The following DPM1 variants were observed in gnomAD, a reference collection of about 807,000 sequenced individuals.
DPM1 encodes the protein dolichyl-phosphate mannosyltransferase subunit 1, catalytic.
In DPM1, 27 loss-of-function variants were observed where a neutral mutation model predicts 39.0. The ratio of observed to expected loss-of-function variants is 0.69; its 90% CI spans 0.51 to 0.95. DPM1 has a LOEUF of 0.95. Ranked by LOEUF, DPM1 falls within the 40% of genes least tolerant of loss-of-function variation. The pLI is 0.00. For synonymous variants in DPM1, 124 were observed against 109.0 expected (o/e 1.14, Z -0.86); for missense variants, 307 against 315.6 (o/e 0.97, Z 0.21).
At chr20:50,949,438 C>T (rs1194077019) in intron 2 of DPM1, among the ~76,000 whole-genome samples, 1 of 152,160 alleles carries the variant, frequency 6.6e-6, no homozygotes, top group Non-Finnish European at 1.5e-5. Flanking sequence ...ACCTCATCTC[C>T]TCTACTGGTC....
chr20:50,948,011 G>C (rs940352308), intron 3 of DPM1, among the ~76,000 whole-genome samples: 4 of 152,194 alleles, frequency 2.6e-5, no homozygotes, highest in African/African-American at 9.7e-5. Context: ...TTTGCCCTCA[G>C]ACCCATTCTC....
At chr20:50,941,189 C>G in intron 6 of DPM1, 1 of 339,276 alleles carries the variant, frequency 2.9e-6, no homozygotes. Context: ...CCAGCCTGGG[C>G]AACATGGCAA....
intron 8 of DPM1, 46 bp from the exon 9 acceptor site, chr20:50,935,282 G>A: frequency 8.1e-7 from 1 of 1,234,066 alleles, no homozygotes; most frequent in Non-Finnish European, 1.2e-6. Context: ...AAAACAATTA[G>A]GCAGCTTAGC....
Position 50,935,107 on chromosome 20 carries a change from G to GT in DPM1, c.*24dup, listed in dbSNP as rs778016634. On this transcript the variant is annotated 3_prime_UTR_variant, in exon 9 of 9. Transcript: ENST00000371588. ...CTTTCATGTTTAACCTGAAATGAAC[G>GT]TAACTATAAATGAGTATCTTTCTTT... The GT allele has an allele frequency of 3.7e-5, 49 of 1,306,898 alleles. No homozygotes were observed. The East Asian group carries it at 9.7e-4, about 26-fold the overall frequency. 81.0% of individuals were successfully genotyped at this position (1,306,898 alleles called of 1,614,324 possible).
chr20:50,946,983 C>T (rs556691346), intron 3 of DPM1, among the ~76,000 whole-genome samples: 21 of 152,216 alleles, frequency 1.4e-4, no homozygotes, highest in Admixed American at 3.3e-4. Flanking sequence ...CCGAGGCAGG[C>T]GGATCATCTG....
At chr20:50,937,246 C>T (rs751837486) in intron 7 of DPM1, among the ~76,000 whole-genome samples, 9 of 152,032 alleles carry the variant, frequency 5.9e-5, no homozygotes, top group South Asian at 2.1e-4. Flanking sequence ...ACTTCTAAGG[C>T]GACCTTATCT....
chr20:50,940,863 A>G lies in DPM1; in HGVS notation c.563+2T>C. 2 of 1,612,822 alleles carry G rather than the reference A, an allele frequency of 1.2e-6. No individual in the cohort carries two copies. Among genetic ancestry groups the G allele is most frequent in the Non-Finnish European group, 1.7e-6 (2 of 1,178,850 alleles). On this transcript the variant is annotated splice_donor_variant, in intron 7 of 8. Transcript: ENST00000371588. LOFTEE classifies it high-confidence loss of function. ...TAAAAGTAGTGGAAATTTTCACTGT[A>G]CCTGAAACTTCCTGTTAAATCAGAT...
chr20:50,935,841 G>A (rs1398112991), intron 8 of DPM1, among the ~76,000 whole-genome samples: 2 of 152,138 alleles, frequency 1.3e-5, no homozygotes, highest in Non-Finnish European at 2.9e-5. Flanking sequence ...GCCATTGGCG[G>A]TGACAAAAGG....
chr20:50,955,361 C>A, intron 1 of DPM1, 76 bp from the exon 2 acceptor site: 2 of 1,028,800 alleles, frequency 1.9e-6, no homozygotes, highest in South Asian at 2.7e-5. Flanking sequence ...ATTACTAATT[C>A]CTTAAAAGTA....
At chr20:50,945,293 TGTG>T (rs1986205130) in intron 5 of DPM1, among the ~76,000 whole-genome samples, 1 of 62,286 alleles carries the variant, frequency 1.6e-5, no homozygotes, top group African/African-American at 1.2e-4. Flanking sequence ...GTTGTGTGTG[TGTG>T]TGTGTGTGTG....
At chr20:50,955,135 T>C (rs757721301) in intron 2 of DPM1, 51 bp downstream of exon 2, 2 of 1,310,586 alleles carry the variant, frequency 1.5e-6, no homozygotes, top group South Asian at 1.2e-5. Context: ...GTCTCATCTT[T>C]CCCCTACATA....
At chr20:50,948,777 G>A in intron 2 of DPM1, 115 bp from the exon 3 acceptor site, 15 of 932,730 alleles carry the variant, frequency 1.6e-5, no homozygotes, top group Non-Finnish European at 1.7e-5. Context: ...GCACTTGTTA[G>A]AACTTAAAGC....
chr20:50,957,019 CA>C (rs887559116), intron 1 of DPM1, among the ~76,000 whole-genome samples: 69 of 143,448 alleles, frequency 4.8e-4, no homozygotes, highest in Middle Eastern at 3.5e-3. Flanking sequence ...ATTAAAACAG[CA>C]AAAAAAAAAA....
chr20:50,947,134 G>A (rs1986335703), intron 3 of DPM1, among the ~76,000 whole-genome samples: 1 of 152,230 alleles, frequency 6.6e-6, no homozygotes, highest in African/African-American at 2.4e-5. Context: ...CTTGAACCCG[G>A]GAGGCAGAGA....
chr20:50,940,243 C>T (rs561547364), intron 7 of DPM1, among the ~76,000 whole-genome samples: 1 of 151,578 alleles, frequency 6.6e-6, no homozygotes, highest in African/African-American at 2.4e-5. Context: ...GTTTGGGGGG[C>T]TTGGGGGTCA....
At chr20:50,956,141 A>G (rs935627098) in intron 1 of DPM1, among the ~76,000 whole-genome samples, 13 of 152,206 alleles carry the variant, frequency 8.5e-5, no homozygotes, top group African/African-American at 2.9e-4. Flanking sequence ...AAAAAACAAA[A>G]GCAGAGTAGC....
chr20:50,948,818 A>G (rs534457312), intron 2 of DPM1, among the ~76,000 whole-genome samples, 156 bp from the exon 3 acceptor site: 1 of 90,410 alleles, frequency 1.1e-5, no homozygotes, highest in East Asian at 3.3e-4. Context: ...TTGCCAAAAG[A>G]AAAAAAAAAG....
intron 6 of DPM1, 105 bp downstream of exon 6, chr20:50,941,926 C>A (rs1041190920): frequency 3.1e-6 from 3 of 978,128 alleles, no homozygotes; most frequent in Non-Finnish European, 4.9e-6. Flanking sequence ...GAAGTTATAA[C>A]CTGATCCCAC....
chr20:50,944,282 C>T (rs1234547449), intron 5 of DPM1: 3 of 152,182 alleles, frequency 2.0e-5, no homozygotes, highest in African/African-American at 4.8e-5. Flanking sequence ...GGAAGAACGT[C>T]TTCTTTTATT....
Sources: allele counts gnomAD v4.1 joint callset (sites outside exome capture counted in the v4.1 genomes callset), GRCh38; gene constraint gnomAD v4.1.1; transcripts MANE v1.5; gene names NCBI Gene and HGNC (gene_info 2026-07-23, HGNC 2026-07-21).